The following ZSWIM5 variants were observed in gnomAD, a reference collection of about 807,000 sequenced individuals.
ZSWIM5 encodes the protein zinc finger SWIM domain-containing protein 5.
A neutral mutation model predicts 119.6 loss-of-function variants in ZSWIM5; 55 were observed. The ratio of observed to expected loss-of-function variants is 0.46; its 90% CI spans 0.37 to 0.58. ZSWIM5 has a LOEUF of 0.58. Among genes scored for constraint, ZSWIM5 ranks in the 20% least tolerant of loss-of-function variants. The probability of loss-of-function intolerance (pLI) is 0.00; values close to 1 mark genes in which losing one functional copy is unlikely to be tolerated. For synonymous variants in ZSWIM5, 537 were observed against 606.9 expected (o/e 0.88, Z 1.69); for missense variants, 1,193 against 1,512.8 (o/e 0.79, Z 3.51).
In ZSWIM5 at chr1:45,018,799, G is replaced by A; in HGVS notation, c.3213C>T (p.Ala1071=). The change falls in exon 14 of 14, where the codon GCC becomes GCT. Residue 1071 remains alanine, a synonymous_variant. Transcript: ENST00000359600. This position sits in a 1 kb window ranked among gnomAD's most constrained non-coding sequence, Gnocchi z 6.7. ...IPLVVKSVHC[A]TVLSDILRRC... ...GTCGTAAGATGTCTGAAAGCACTGTGGCACAGTGCACACTCTTCACCACCA... is the reference window on the plus strand; with the variant it reads ...GTCGTAAGATGTCTGAAAGCACTGTAGCACAGTGCACACTCTTCACCACCA... 1 of 1,614,230 alleles carries A rather than the reference G, an allele frequency of 6.2e-7. No homozygotes were observed.
intron 1 of ZSWIM5, among the ~76,000 whole-genome samples, chr1:45,163,530 C>T (rs1161673943): frequency 6.6e-6 from 1 of 152,144 alleles, no homozygotes; most frequent in Non-Finnish European, 1.5e-5. Flanking sequence ...CTTCTCCGAG[C>T]TAAAGGAGGA....
intron 1 of ZSWIM5, among the ~76,000 whole-genome samples, chr1:45,205,148 G>C (rs975332752): frequency 6.6e-5 from 10 of 150,728 alleles, no homozygotes; most frequent in African/African-American, 2.4e-4. Flanking sequence ...TTCCTTGGGT[G>C]GGGGTGTGGA....
chr1:45,126,778 A>G (rs1004284978), intron 1 of ZSWIM5, among the ~76,000 whole-genome samples: 9 of 152,194 alleles, frequency 5.9e-5, no homozygotes, highest in Non-Finnish European at 2.9e-5. Context: ...TCAATTCTAC[A>G]TAATTGCTTA....
At position 45,102,829 on chromosome 1, in the gene ZSWIM5, A is replaced by T. The variant is rs564030098; in HGVS notation, c.596-14592T>A. Among the ~76,000 whole-genome samples the T allele has an allele frequency of 4.6e-5, 7 of 152,296 alleles. No individual in the cohort carries two copies. In the South Asian group the frequency reaches 1.2e-3, roughly 27 times the overall value. ...TTGAAACACCAAGATTATTTTCCAT[A>T]ATGTATGTATATAGATTTTTAAATT... On this transcript the variant is annotated intron_variant, in intron 1 of 13. Transcript: ENST00000359600.
chr1:45,084,455 C>T (rs1201424017), intron 2 of ZSWIM5, among the ~76,000 whole-genome samples: 1 of 152,166 alleles, frequency 6.6e-6, no homozygotes, highest in African/African-American at 2.4e-5. Context: ...CAACAGTCCC[C>T]CAAGTCTTAA....
intron 1 of ZSWIM5, among the ~76,000 whole-genome samples, chr1:45,182,189 G>A (rs1270769982): frequency 3.3e-5 from 5 of 152,106 alleles, no homozygotes; most frequent in African/African-American, 7.2e-5. Flanking sequence ...GGCCGAGGCG[G>A]GCGGATCACG....
At chr1:45,031,288 T>G (rs1472981342) in intron 11 of ZSWIM5, among the ~76,000 whole-genome samples, 1 of 148,636 alleles carries the variant, frequency 6.7e-6, no homozygotes, top group Non-Finnish European at 1.5e-5. Context: ...ATGATTATAG[T>G]ACCTCAGCCT....
chr1:45,115,846 G>A (rs113281458), intron 1 of ZSWIM5, among the ~76,000 whole-genome samples: 1 of 152,192 alleles, frequency 6.6e-6, no homozygotes, highest in African/African-American at 2.4e-5. Flanking sequence ...CTTCCCAGAC[G>A]GGGTGGCGGC....
chr1:45,111,660 T>C (rs1360304454), intron 1 of ZSWIM5, among the ~76,000 whole-genome samples: 4 of 152,374 alleles, frequency 2.6e-5, no homozygotes, highest in Admixed American at 2.0e-4. Context: ...CCTTGGCTCA[T>C]AGCCCCTTCC....
At position 45,088,554 on chromosome 1, in the gene ZSWIM5, G is replaced by C. The variant is rs1330737598; in HGVS notation, c.596-317C>G. Among the ~76,000 whole-genome samples, 1 of 152,092 alleles carries C rather than the reference G, an allele frequency of 6.6e-6. No homozygotes were observed. The highest frequency in any genetic ancestry group is 1.5e-5 in the Non-Finnish European group (1 of 68,016). ...ATAGCTATCATCATAGTCTCAGAAAGACTAATAAGGAATCCTAAATAAGTT... is the reference window on the plus strand; with the variant it reads ...ATAGCTATCATCATAGTCTCAGAAACACTAATAAGGAATCCTAAATAAGTT... On this transcript the variant is annotated intron_variant, in intron 1 of 13. Coordinates refer to ENST00000359600, the MANE Select transcript of ZSWIM5 (RefSeq NM_020883.2). The surrounding 1 kb of genome is among the most constrained non-coding windows in gnomAD (Gnocchi z 4.2).
intron 10 of ZSWIM5, among the ~76,000 whole-genome samples, 161 bp from the exon 11 acceptor site, chr1:45,034,630 TG>T (rs1490117602): frequency 1.3e-5 from 2 of 152,210 alleles, no homozygotes; most frequent in African/African-American, 4.8e-5. Flanking sequence ...CTATATGAGG[TG>T]AGTGCCTGGG....
chr1:45,027,436 C>T (rs1399497554), intron 11 of ZSWIM5, among the ~76,000 whole-genome samples: 3 of 151,958 alleles, frequency 2.0e-5, no homozygotes, highest in Non-Finnish European at 2.9e-5. Context: ...CTCGCTCTGT[C>T]GCCTAAGCTG....
At chr1:45,045,335 C>T (rs561873347) in intron 5 of ZSWIM5, among the ~76,000 whole-genome samples, 1 of 152,070 alleles carries the variant, frequency 6.6e-6, no homozygotes, top group Non-Finnish European at 1.5e-5. Context: ...ACGGACATTT[C>T]CAGAGATGCC....
At chr1:45,020,906 T>C (rs1314015081) in intron 11 of ZSWIM5, 118 bp from the exon 12 acceptor site, 1 of 1,230,074 alleles carries the variant, frequency 8.1e-7, no homozygotes, top group African/African-American at 1.5e-5. Context: ...TTCTGAATGC[T>C]ACCGCCCCTT....
intron 11 of ZSWIM5, among the ~76,000 whole-genome samples, chr1:45,030,798 CTT>C (rs56045429): frequency 5.3e-5 from 7 of 133,094 alleles, no homozygotes; most frequent in African/African-American, 1.1e-4. Flanking sequence ...TTCATTCTTT[CTT>C]TTTTTTTTTT....
intron 1 of ZSWIM5, among the ~76,000 whole-genome samples, chr1:45,178,862 T>C (rs953247419): frequency 9.9e-5 from 15 of 152,012 alleles, no homozygotes; most frequent in Admixed American, 3.3e-4. Flanking sequence ...TAATCTGGCA[T>C]TCATTGTAGA....
At chr1:45,163,659 C>G (rs1143727) in intron 1 of ZSWIM5, among the ~76,000 whole-genome samples, 13 of 152,116 alleles carry the variant, frequency 8.5e-5, no homozygotes, top group African/African-American at 3.1e-4. Context: ...AACCATGGCA[C>G]GAGAACTATG....
At chr1:45,066,643 A>G (rs1034989935) in intron 2 of ZSWIM5, among the ~76,000 whole-genome samples, 1 of 152,210 alleles carries the variant, frequency 6.6e-6, no homozygotes, top group African/African-American at 2.4e-5. Flanking sequence ...TCTCTCAAGG[A>G]GAGGGAATAT....
intron 1 of ZSWIM5, among the ~76,000 whole-genome samples, chr1:45,170,633 T>C (rs1570176593): frequency 1.3e-5 from 2 of 151,856 alleles, no homozygotes; most frequent in East Asian, 3.9e-4. Flanking sequence ...CTCGCTATGT[T>C]GACTAGGCTG....
Sources: allele counts gnomAD v4.1 joint callset (sites outside exome capture counted in the v4.1 genomes callset), GRCh38; gene constraint gnomAD v4.1.1; non-coding constraint Gnocchi (gnomAD v3.1); transcripts MANE v1.5; gene names NCBI Gene and HGNC (gene_info 2026-07-23, HGNC 2026-07-21).